SNX31: variants seen among roughly 807,000 people sequenced by gnomAD.
SNX31 encodes the protein sorting nexin-31.
A neutral mutation model predicts 65.4 loss-of-function variants in SNX31; 58 were observed. The observed-to-expected ratio is 0.89, with a 90% CI of 0.72 to 1.10. The LOEUF is 1.10. Among genes scored for constraint, SNX31 ranks in the 50% least tolerant of loss-of-function variants. The probability of loss-of-function intolerance (pLI) is 0.00; values close to 1 mark genes in which losing one functional copy is unlikely to be tolerated. For synonymous variants in SNX31, 181 were observed against 190.1 expected, an observed-to-expected ratio of 0.95 and a Z score of 0.39; for missense variants, 523 against 529.7, an observed-to-expected ratio of 0.99 and a Z score of 0.12.
chr8:100,584,801 T>TG (rs1813886678), intron 11 of SNX31, among the ~76,000 whole-genome samples: 1 of 150,196 alleles, frequency 6.7e-6, no homozygotes, highest in South Asian at 2.1e-4. Context: ...CAGGCTGGAG[T>TG]GCTGTGGCTG....
In SNX31 at chr8:100,623,810, C is replaced by T. The variant is rs1287302126; in HGVS notation, c.322-6080G>A. ...ACCAGCAGCAAACTTATTCAAGTCT[C>T]TGTCATCAAAAGCAACAGAAAGTCA... On this transcript the variant is annotated intron_variant, in intron 4 of 13. Coordinates refer to ENST00000311812, the MANE Select transcript of SNX31 (RefSeq NM_152628.4). Among the ~76,000 whole-genome samples, 6 of 152,204 alleles carry T rather than the reference C, an allele frequency of 3.9e-5. No individual in the cohort carries two copies. In the East Asian group the frequency reaches 7.7e-4, roughly 20 times the overall value.
rs1013199327 is a variant in SNX31 at position 100,575,292 on chromosome 8, C to T, written c.1228-1332G>A. ...CCTTTCTGTGTTTCAGTTCTCTGTG[C>T]AGTAAGCCAAGGATAATAACAGTGC... is the stretch of plus-strand genomic sequence containing the variant. On this transcript the variant is annotated intron_variant, in intron 13 of 13. Coordinates refer to ENST00000311812, the MANE Select transcript of SNX31 (RefSeq NM_152628.4). The surrounding 1 kb of genome is among the most constrained non-coding windows in gnomAD (Gnocchi z 5.1). Among the ~76,000 whole-genome samples the T allele has an allele frequency of 1.3e-5, 2 of 152,166 alleles. No homozygotes were observed. The highest frequency in any genetic ancestry group is 4.8e-5 in the African/African-American group (2 of 41,426).
rs1318387436 is a variant in SNX31, at chr8:100,610,421, A to G, written c.611+1579T>C. Among the ~76,000 whole-genome samples, 1 of 151,486 alleles carries G rather than the reference A, an allele frequency of 6.6e-6. No individual in the cohort carries two copies. Among genetic ancestry groups the G allele is most frequent in the Non-Finnish European group, 1.5e-5 (1 of 67,942 alleles). On this transcript the variant is annotated intron_variant, in intron 7 of 13. Coordinates refer to ENST00000311812, the MANE Select transcript of SNX31 (RefSeq NM_152628.4). The surrounding 1 kb of genome is among the most constrained non-coding windows in gnomAD (Gnocchi z 4.0). The stretch of plus-strand genomic sequence containing the variant: ...CATCAATATAACAGTCACAAACATG[A>G]CCAAAACTTACTGAGCATATGGGAC...
chr8:100,621,308 C>T (rs927287599), intron 4 of SNX31, among the ~76,000 whole-genome samples: 3 of 152,180 alleles, frequency 2.0e-5, no homozygotes, highest in African/African-American at 7.2e-5. Flanking sequence ...CTGCAGCACT[C>T]TTTTCACTCT....
chr8:100,656,658 A>C lies in SNX31; in HGVS notation c.-58+6484T>G, dbSNP rs188425848. 6.9e-3 allele frequency among the ~76,000 whole-genome samples: 1,053 copies of C among 151,666 alleles called. 27 individuals are homozygous for C. The highest frequency in any genetic ancestry group is 0.021 in the African/African-American group (863 of 41,328). Reference sequence around the variant, plus strand: ...TCTGTCTCAAAAAAAAAAAAAAAAAAAAAAAAAACCTTTAAGAGCAAAGCA... The same window carrying C: ...TCTGTCTCAAAAAAAAAAAAAAAAACAAAAAAAACCTTTAAGAGCAAAGCA... On this transcript the variant is annotated intron_variant, in intron 1 of 5. Transcript: ENST00000520352.
chr8:100,631,352 C>G, intron 3 of SNX31, among the ~76,000 whole-genome samples: 1 of 152,062 alleles, frequency 6.6e-6, no homozygotes, highest in Non-Finnish European at 1.5e-5. Flanking sequence ...CAGATCCTCT[C>G]CTATATCCTG....
At chr8:100,656,235 T>A (rs1042237090) in intron 1 of SNX31, among the ~76,000 whole-genome samples, 5 of 152,198 alleles carry the variant, frequency 3.3e-5, no homozygotes, top group African/African-American at 1.2e-4. Context: ...GCATGCTTGG[T>A]CTCTCAAGTC....
At chr8:100,597,064 G>A (rs191136824) in intron 9 of SNX31, among the ~76,000 whole-genome samples, 112 of 152,292 alleles carry the variant, frequency 7.4e-4, no homozygotes, top group African/African-American at 2.7e-3. Flanking sequence ...TCCAGGGAAG[G>A]GACCATTCCT....
intron 8 of SNX31, among the ~76,000 whole-genome samples, chr8:100,605,420 T>A (rs982656474): frequency 3.3e-5 from 5 of 152,144 alleles, no homozygotes; most frequent in African/African-American, 1.2e-4. Context: ...TCTACCCAGA[T>A]TCAGGGAACA....
intron 2 of SNX31, among the ~76,000 whole-genome samples, chr8:100,637,214 CT>C (rs1450195200): frequency 6.6e-6 from 1 of 152,142 alleles, no homozygotes; most frequent in Non-Finnish European, 1.5e-5. Flanking sequence ...AAATTAAGAA[CT>C]AAAAATGTGC....
chr8:100,644,938 C>A (rs535422452), intron 2 of SNX31, among the ~76,000 whole-genome samples: 1 of 152,308 alleles, frequency 6.6e-6, no homozygotes, highest in African/African-American at 2.4e-5. Context: ...GCTGGGATTC[C>A]AGGTGTGAGC....
In SNX31 at chr8:100,660,406, A is replaced by T. The variant is rs968281487; in HGVS notation, c.-58+2736T>A. 3.9e-5 allele frequency among the ~76,000 whole-genome samples: 6 copies of T among 152,182 alleles called. No homozygotes were observed. Among genetic ancestry groups the T allele is most frequent in the Non-Finnish European group, 7.3e-5 (5 of 68,038 alleles). ...GCAGCAATTTTTATTATTTATTTTA[A>T]ATTTACTTCATTTGAGTTATCAGCC... On this transcript the variant is annotated intron_variant, in intron 1 of 5. Transcript: ENST00000520352. This position sits in a 1 kb window ranked among gnomAD's most constrained non-coding sequence, Gnocchi z 4.1.
rs965905051 is a variant in SNX31, at chr8:100,629,645, C to T, written c.321+682G>A. Among the ~76,000 whole-genome samples the T allele has an allele frequency of 4.6e-5, 7 of 152,204 alleles. No homozygotes were observed. The highest frequency in any genetic ancestry group is 4.1e-4 in the South Asian group (2 of 4,828). On this transcript the variant is annotated intron_variant, in intron 4 of 13. Transcript: ENST00000311812. The surrounding 1 kb of genome is among the most constrained non-coding windows in gnomAD (Gnocchi z 5.1). ...CCAGTTAACTAGTATCATATTACTG[C>T]GGAACTTAAATTCTTTCAGAGCTTT...
intron 8 of SNX31, among the ~76,000 whole-genome samples, chr8:100,607,921 G>A (rs1057034929): frequency 6.6e-6 from 1 of 152,228 alleles, no homozygotes; most frequent in Admixed American, 6.5e-5. Flanking sequence ...AACTGTGCAG[G>A]CCACATGCCC....
rs1188352525 is a variant in SNX31, at chr8:100,648,332, T to TTTG, written c.141+941_141+942insCAA. 4.0e-5 allele frequency among the ~76,000 whole-genome samples: 6 copies of TTTG among 151,128 alleles called. No individual in the cohort carries two copies. The highest frequency in any genetic ancestry group is 1.2e-4 in the African/African-American group (5 of 41,126). On this transcript the variant is annotated intron_variant, in intron 2 of 13. Transcript: ENST00000311812. This position sits in a 1 kb window ranked among gnomAD's most constrained non-coding sequence, Gnocchi z 4.3. ...TCAGTTTTCTCTACACTTTTTTTTT[T>TTTG]TTTTTTTTTAATAGAGACAAGGTCT...
rs112672541 is a variant in SNX31, at chr8:100,622,902, T to A, written c.322-5172A>T. Reference sequence around the variant, plus strand: ...TAAAGAACCTGCACATCAAGGGAGGTAAGAGGTTAAAGCGCCACCCAACCT... The same window carrying A: ...TAAAGAACCTGCACATCAAGGGAGGAAAGAGGTTAAAGCGCCACCCAACCT... On this transcript the variant is annotated intron_variant, in intron 4 of 13. Transcript: ENST00000311812. The surrounding 1 kb of genome is among the most constrained non-coding windows in gnomAD (Gnocchi z 5.0). Among the ~76,000 whole-genome samples, 2 of 151,874 alleles carry A rather than the reference T, an allele frequency of 1.3e-5. No individual in the cohort carries two copies. The highest frequency in any genetic ancestry group is 2.9e-5 in the Non-Finnish European group (2 of 67,972).
Position 100,612,932 on chromosome 8 carries a change from G to T in SNX31, c.523+63C>A. On this transcript the variant is annotated intron_variant, in intron 6 of 13. Transcript: ENST00000311812. The surrounding 1 kb of genome is among the most constrained non-coding windows in gnomAD (Gnocchi z 4.3). ...CCAGCCCCTCAGCTGTGACTCCTATGAGCCCCTGCTCACACCTGTCCACCC... is the reference window on the plus strand; with the variant it reads ...CCAGCCCCTCAGCTGTGACTCCTATTAGCCCCTGCTCACACCTGTCCACCC... 7.1e-7 allele frequency: 1 copy of T among 1,416,474 alleles called. No individual in the cohort carries two copies. The highest frequency in any genetic ancestry group is 1.1e-5 in the South Asian group (1 of 87,168). The allele number at this position is 1,416,474 out of a possible 1,614,324, so 87.7% of individuals were successfully genotyped here. A position where few individuals can be genotyped will look rare whatever the true frequency, so the allele number is the denominator to read the frequency against.
At chr8:100,652,301 A>G (rs1354983545), upstream of SNX31, among the ~76,000 whole-genome samples, 1 of 152,148 alleles carries the variant, frequency 6.6e-6, no homozygotes, top group Non-Finnish European at 1.5e-5. Context: ...TTCTTGATGG[A>G]GTTTTAAATA....
At position 100,596,802 on chromosome 8, in the gene SNX31, A is replaced by T. The variant is rs1815134253; in HGVS notation, c.815T>A (p.Leu272Gln). 1.2e-6 allele frequency: 2 copies of T among 1,613,712 alleles called. No homozygotes were observed. Among genetic ancestry groups the T allele is most frequent in the South Asian group, 2.2e-5 (2 of 91,082 alleles). Residue 272 changes from leucine (L) to glutamine (Q), a missense_variant, in exon 10 of 14, where the codon CTG becomes CAG. Physicochemically the swap from Leu to Gln is moderately radical, Grantham distance 113. Transcript: ENST00000311812. ...LAREVRHYGYLQLDPCTCDYP... is the reference protein window; with the variant it reads ...LAREVRHYGYQQLDPCTCDYP... ...GTCACAGGTACAAGGATCCAGCTGCAGGTATCCATAGTGCCGTACCTCCCG... is the reference window on the plus strand; with the variant it reads ...GTCACAGGTACAAGGATCCAGCTGCTGGTATCCATAGTGCCGTACCTCCCG...
Sources: gnomAD v4.1 joint callset for allele counts (sites outside exome capture counted in the v4.1 genomes callset) on GRCh38, gnomAD v4.1.1 for gene constraint, Gnocchi (gnomAD v3.1) non-coding constraint, MANE v1.5 for transcripts, NCBI Gene and HGNC (gene_info 2026-07-23, HGNC 2026-07-21) for gene names.